The following EFCAB5 variants were observed in gnomAD, a reference collection of about 807,000 sequenced individuals.
The protein encoded by EFCAB5 is EF-hand calcium binding domain 5.
Under a neutral mutation model 167.9 loss-of-function variants are expected in EFCAB5, and 131 were observed. That is an observed-to-expected ratio of 0.78 (90% confidence interval 0.68 to 0.90). The LOEUF is 0.90. Among genes scored for constraint, EFCAB5 ranks in the 40% least tolerant of loss-of-function variants. The pLI is 0.00. For synonymous variants in EFCAB5, 574 were observed against 602.8 expected (o/e 0.95, Z 0.70); for missense variants, 1,663 against 1,745.2 (o/e 0.95, Z 0.84).
At chr17:30,072,354 A>T (rs556832156) in intron 14 of EFCAB5, among the ~76,000 whole-genome samples, 9 of 152,240 alleles carry the variant, frequency 5.9e-5, no homozygotes, top group African/African-American at 2.2e-4. Flanking sequence ...CAAAACAACA[A>T]CAACAAAAAA....
At chr17:30,034,116 T>C in intron 7 of EFCAB5, 114 bp from the exon 8 acceptor site, 1 of 1,268,990 alleles carries the variant, frequency 7.9e-7, no homozygotes, top group African/African-American at 1.5e-5. Context: ...AAGCAAATCA[T>C]ATGGAAACAT....
intron 8 of EFCAB5, among the ~76,000 whole-genome samples, chr17:30,040,532 C>T (rs1213602232): frequency 1.3e-5 from 2 of 152,146 alleles, no homozygotes; most frequent in Non-Finnish European, 1.5e-5. Context: ...AAAAAGTAGC[C>T]TCAATTCTTA....
At chr17:29,999,741 G>A in intron 6 of EFCAB5, among the ~76,000 whole-genome samples, 165 bp from the exon 7 acceptor site, 1 of 151,622 alleles carries the variant, frequency 6.6e-6, no homozygotes, top group Non-Finnish European at 1.5e-5. Flanking sequence ...TAATAATTTT[G>A]TAGTATTTGG....
At chr17:30,004,779 C>A (rs2068739523) in intron 7 of EFCAB5, among the ~76,000 whole-genome samples, 1 of 146,320 alleles carries the variant, frequency 6.8e-6, no homozygotes, top group Non-Finnish European at 1.5e-5. Flanking sequence ...TGCCACCACT[C>A]CTGGCTAATT....
chr17:30,063,451 C>T (rs2070478604), intron 14 of EFCAB5, among the ~76,000 whole-genome samples: 1 of 152,188 alleles, frequency 6.6e-6, no homozygotes, highest in Non-Finnish European at 1.5e-5. Flanking sequence ...CAAGTTTTCT[C>T]TCTGGAGTCA....
intron 7 of EFCAB5, among the ~76,000 whole-genome samples, chr17:30,005,794 A>T (rs2068762075): frequency 6.6e-6 from 1 of 152,164 alleles, no homozygotes; most frequent in African/African-American, 2.4e-5. Context: ...TGGCAATAAG[A>T]TACTAAGTTA....
intron 7 of EFCAB5, among the ~76,000 whole-genome samples, chr17:30,024,329 C>T (rs553765635): frequency 8.1e-4 from 124 of 152,206 alleles, no homozygotes; most frequent in African/African-American, 2.9e-3. Flanking sequence ...GCAACTTCAG[C>T]GAAGTCTCAG....
In EFCAB5 at chr17:29,943,526, G is replaced by C. The variant is rs560517402; in HGVS notation, c.106-39G>C. 1.3e-5 allele frequency: 19 copies of C among 1,493,110 alleles called. No individual in the cohort carries two copies. The South Asian group carries it at 1.6e-4, about 13-fold the overall frequency. The allele number at this position is 1,493,110 out of a possible 1,614,324, so 92.5% of individuals were successfully genotyped here. Reference sequence around the variant, plus strand: ...TTTATACAACTTTGTTGAAAATCAAGTCACATTGAAATTGGTGATTTTTTT... The same window carrying C: ...TTTATACAACTTTGTTGAAAATCAACTCACATTGAAATTGGTGATTTTTTT... On this transcript the variant is annotated intron_variant, in intron 2 of 22. Coordinates refer to ENST00000394835, the MANE Select transcript of EFCAB5 (RefSeq NM_198529.4).
At chr17:30,077,115 A>G (rs578182597) in intron 14 of EFCAB5, among the ~76,000 whole-genome samples, 1 of 152,290 alleles carries the variant, frequency 6.6e-6, no homozygotes, top group African/African-American at 2.4e-5. Context: ...CAGCCTGGCC[A>G]GTATAGTGAA....
At chr17:29,964,602 T>TTTTTGC (rs2067789918) in intron 3 of EFCAB5, among the ~76,000 whole-genome samples, 1 of 152,096 alleles carries the variant, frequency 6.6e-6, no homozygotes, top group Non-Finnish European at 1.5e-5. Flanking sequence ...TTATAATTGT[T>TTTTTGC]TTTTGTTTTT....
intron 8 of EFCAB5, among the ~76,000 whole-genome samples, chr17:30,038,458 A>G (rs2069683028): frequency 6.6e-6 from 1 of 152,220 alleles, no homozygotes. Flanking sequence ...CTGTTCATTG[A>G]GATGCGCCTG....
intron 3 of EFCAB5, among the ~76,000 whole-genome samples, chr17:29,967,252 T>C (rs941581835): frequency 6.6e-6 from 1 of 152,228 alleles, no homozygotes; most frequent in African/African-American, 2.4e-5. Context: ...TGCTTTCCTA[T>C]AGAGTTACTG....
At chr17:29,930,238 C>T (rs971065142) in intron 1 of EFCAB5, 10 of 535,680 alleles carry the variant, frequency 1.9e-5, no homozygotes, top group Non-Finnish European at 3.3e-5. Context: ...TGAGCGCTCC[C>T]AGTGCGCAGG....
intron 22 of EFCAB5, among the ~76,000 whole-genome samples, chr17:30,098,608 GCCACCACAC>G (rs2071337904): frequency 6.6e-6 from 1 of 151,418 alleles, no homozygotes; most frequent in East Asian, 1.9e-4. Context: ...CAGGACTGCT[GCCACCACAC>G]CTGGCTTTCC....
chr17:30,040,690 G>C (rs2069746053), intron 8 of EFCAB5, among the ~76,000 whole-genome samples: 1 of 152,134 alleles, frequency 6.6e-6, no homozygotes, highest in Non-Finnish European at 1.5e-5. Context: ...GTAGAAAGTA[G>C]AAAAGTTCCT....
At position 30,056,102 on chromosome 17, in the gene EFCAB5, A is replaced by G; in HGVS notation, c.2311A>G (p.Thr771Ala). The G allele has an allele frequency of 1.2e-6, 2 of 1,612,580 alleles. No individual in the cohort carries two copies. Among genetic ancestry groups the G allele is most frequent in the Non-Finnish European group, 8.5e-7 (1 of 1,179,182 alleles). Residue 771 changes from threonine (T) to alanine (A), a missense_variant, in exon 12 of 23, where the codon ACA becomes GCA. By Grantham distance (58) the Thr-to-Ala change is moderately conservative. Coordinates refer to ENST00000394835, the MANE Select transcript of EFCAB5 (RefSeq NM_198529.4). Reference protein sequence around the residue: ...FTCNWKMKYVTFEDEEQANLI... With the variant: ...FTCNWKMKYVAFEDEEQANLI... The stretch of plus-strand genomic sequence containing the variant: ...TTGTAACTGGAAAATGAAGTATGTC[A>G]CATTTGAAGATGAGGAACAGGCAAA...
chr17:30,085,300 A>G (rs1208449272), intron 18 of EFCAB5, among the ~76,000 whole-genome samples: 1 of 152,226 alleles, frequency 6.6e-6, no homozygotes, highest in African/African-American at 2.4e-5. Context: ...TATGAAATTC[A>G]GGGTATTTTA....
At chr17:29,942,376 A>C in intron 2 of EFCAB5, 74 bp downstream of exon 2, 1 of 1,338,480 alleles carries the variant, frequency 7.5e-7, no homozygotes, top group Non-Finnish European at 1.0e-6. Context: ...TTATGATAAA[A>C]GAAAAGATGT....
chr17:30,002,063 T>C (rs1395224894), intron 7 of EFCAB5, among the ~76,000 whole-genome samples: 1 of 152,224 alleles, frequency 6.6e-6, no homozygotes, highest in East Asian at 1.9e-4. Context: ...GTTTTTAGTT[T>C]TAATTTTGTG....
Sources: gnomAD v4.1 joint callset for allele counts (sites outside exome capture counted in the v4.1 genomes callset) on GRCh38, gnomAD v4.1.1 for gene constraint, MANE v1.5 for transcripts, NCBI Gene and HGNC (gene_info 2026-07-23, HGNC 2026-07-21) for gene names.